ZNF695: variants seen among roughly 807,000 people sequenced by gnomAD.
The protein encoded by ZNF695 is zinc finger protein SBZF3.
In ZNF695, 11 loss-of-function variants were observed where a neutral mutation model predicts 11.2. The observed-to-expected ratio is 0.98, with a 90% CI of 0.62 to 1.62. The LOEUF is 1.62. Ranked by LOEUF, ZNF695 falls within the 40% of genes most tolerant of loss-of-function variation. ZNF695 has a pLI of 0.00. For synonymous variants in ZNF695, 190 were observed against 201.4 expected (o/e 0.94, Z 0.48); for missense variants, 559 against 590.5 (o/e 0.95, Z 0.55).
Position 246,985,543 on chromosome 1 carries a change from GATA to G in ZNF695, c.*1421_*1423del. On this transcript the variant is annotated 3_prime_UTR_variant, in exon 4 of 4. Transcript: ENST00000339986. The stretch of plus-strand genomic sequence containing the variant: ...TTACCTACAACCGTAACTAAGGTGA[GATA>G]GGTTAACGTTGGTGGTAGGATACGC... 1.0e-6 allele frequency: 1 copy of G among 985,392 alleles called. No homozygotes were observed. Among genetic ancestry groups the G allele is most frequent in the Non-Finnish European group, 1.2e-6 (1 of 829,932 alleles). 61.0% of individuals were successfully genotyped at this position (985,392 alleles called of 1,614,324 possible). A position where few individuals can be genotyped will look rare whatever the true frequency, so the allele number is the denominator to read the frequency against.
intron 3 of ZNF695, among the ~76,000 whole-genome samples, 198 bp from the exon 4 acceptor site, chr1:246,988,453 G>A (rs1470410864): frequency 6.6e-6 from 1 of 151,858 alleles, no homozygotes. Flanking sequence ...AGCCAAAGGG[G>A]GAAAAAAAGA....
At chr1:246,975,910 C>CAACTTATTCTATTAGGCGAAGAGAAT (rs1388161972) in intron 4 of ZNF695, among the ~76,000 whole-genome samples, 10 of 152,010 alleles carry the variant, frequency 6.6e-5, no homozygotes, top group African/African-American at 1.9e-4. Context: ...GCGAAGAGAA[C>CAACTTATTCTATTAGGCGAAGAGAAT]AACTTATTCT....
At chr1:246,947,082 G>A (rs1667753167) in intron 5 of ZNF695, among the ~76,000 whole-genome samples, 1 of 148,326 alleles carries the variant, frequency 6.7e-6, no homozygotes, top group South Asian at 2.1e-4. Flanking sequence ...GGAGCTTGCA[G>A]TGAGCTGAGA....
At chr1:246,988,344 A>C (rs910513103) in intron 3 of ZNF695, 89 bp from the exon 4 acceptor site, 6 of 977,370 alleles carry the variant, frequency 6.1e-6, no homozygotes, top group South Asian at 3.6e-5. Flanking sequence ...GCATATTAGC[A>C]AGATAGCATA....
intron 5 of ZNF695, among the ~76,000 whole-genome samples, chr1:246,964,827 C>T (rs1203626185): frequency 2.0e-5 from 3 of 151,990 alleles, no homozygotes; most frequent in Non-Finnish European, 4.4e-5. Context: ...GCTGAGATCG[C>T]GGCACTGCAC....
Position 247,000,056 on chromosome 1 carries a change from C to T in ZNF695, c.22G>A (p.Asp8Asn). 1 of 1,607,482 alleles carries T rather than the reference C, an allele frequency of 6.2e-7. No individual in the cohort carries two copies. The highest frequency in any genetic ancestry group is 8.5e-7 in the Non-Finnish European group (1 of 1,178,262). ...TCTGGAGAGAATTCTAGAGCCACAT[C>T]CCTGAATGCCAATAGTCCCTGAAAA... MGLLAFR[D>N]VALEFSPEEW... The change falls in exon 2 of 4, where the codon GAT (aspartate) becomes AAT (asparagine). Residue 8 changes from aspartate (D) to asparagine (N), a missense_variant. Coordinates refer to ENST00000339986, the MANE Select transcript of ZNF695 (RefSeq NM_020394.5).
In ZNF695 at chr1:246,987,989, T is replaced by C. The variant is rs1228249636; in HGVS notation, c.526A>G (p.Ile176Val). ...SKFANLNKCK[I>V]SHTGEKPFKC... ...AATGGTTTTTCTCCAGTATGGCTTA[T>C]CTTACATTTATTTAGATTTGCAAAT... The change falls in exon 4 of 4, where the codon ATA becomes GTA. Residue 176 changes from isoleucine to valine, a missense_variant. Coordinates refer to ENST00000339986, the MANE Select transcript of ZNF695 (RefSeq NM_020394.5). The C allele has an allele frequency of 5.0e-6, 8 of 1,600,570 alleles. No homozygotes were observed. The highest frequency in any genetic ancestry group is 2.2e-5 in the East Asian group (1 of 44,820).
chr1:246,992,069 C>T lies in ZNF695; in HGVS notation c.260-3814G>A, dbSNP rs559742491. ...GTCGCAGCTACTCGGGAGGCTGAGACGGGAGAACAGCGTCAACCCGGGAGG... is the reference window on the plus strand; with the variant it reads ...GTCGCAGCTACTCGGGAGGCTGAGATGGGAGAACAGCGTCAACCCGGGAGG... On this transcript the variant is annotated intron_variant, in intron 3 of 3. Transcript: ENST00000339986. Among the ~76,000 whole-genome samples the T allele has an allele frequency of 1.4e-3, 210 of 151,926 alleles. 1 individual carries two copies. Among genetic ancestry groups the T allele is most frequent in the African/African-American group, 4.8e-3 (199 of 41,420 alleles).
intron 5 of ZNF695, among the ~76,000 whole-genome samples, chr1:246,947,410 T>C (rs972706404): frequency 7.2e-5 from 11 of 152,024 alleles, no homozygotes; most frequent in African/African-American, 2.4e-4. Flanking sequence ...TTTTGAAGGT[T>C]TGGGAAGCCT....
intron 5 of ZNF695, among the ~76,000 whole-genome samples, chr1:246,955,015 G>A (rs1667952941): frequency 6.6e-6 from 1 of 152,050 alleles, no homozygotes; most frequent in Non-Finnish European, 1.5e-5. Context: ...ACGTGTCATG[G>A]GAGGGACCTG....
At chr1:246,946,531 C>T (rs932700140) in intron 5 of ZNF695, among the ~76,000 whole-genome samples, 18 of 152,204 alleles carry the variant, frequency 1.2e-4, no homozygotes, top group Non-Finnish European at 1.9e-4. Flanking sequence ...GGGTGATGAG[C>T]GAGATGGCAT....
At chr1:246,974,170 A>C (rs1053842506) in intron 4 of ZNF695, among the ~76,000 whole-genome samples, 2 of 151,480 alleles carry the variant, frequency 1.3e-5, no homozygotes, top group Non-Finnish European at 2.9e-5. Flanking sequence ...ACAAAAAAAA[A>C]CAAACAAAAA....
chr1:246,967,647 C>A, intron 5 of ZNF695: 1 of 356,624 alleles, frequency 2.8e-6, no homozygotes, highest in Non-Finnish European at 5.6e-6. Context: ...TATAAAGAAC[C>A]ACCTGAGACT....
At chr1:246,966,978 G>T in intron 5 of ZNF695, 1 of 404,308 alleles carries the variant, frequency 2.5e-6, no homozygotes. Context: ...CACTCTTGTC[G>T]CCCAGGCTGG....
At chr1:246,960,918 CAAACAAA>C (rs978173985) in intron 5 of ZNF695, among the ~76,000 whole-genome samples, 13 of 151,924 alleles carry the variant, frequency 8.6e-5, no homozygotes, top group Admixed American at 6.6e-5. Context: ...CTCAAACAAA[CAAACAAA>C]AAACAAAAAA....
chr1:246,981,701 G>T (rs1355063782), downstream of ZNF695, among the ~76,000 whole-genome samples: 1 of 152,150 alleles, frequency 6.6e-6, no homozygotes, highest in Non-Finnish European at 1.5e-5. Flanking sequence ...GTTCCTGATG[G>T]TGATGGTATA....
intron 3 of ZNF695, 131 bp downstream of exon 3, chr1:246,999,217 A>C: frequency 1.5e-6 from 1 of 676,986 alleles, no homozygotes; most frequent in Non-Finnish European, 2.6e-6. Context: ...ATGTGGGAGC[A>C]AGAGAAAGAA....
At chr1:246,971,384 C>T (rs61092492) in intron 4 of ZNF695, among the ~76,000 whole-genome samples, 7,532 of 152,288 alleles carry the variant, frequency 0.049, 630 homozygotes, top group African/African-American at 0.17. Flanking sequence ...GACGGTCAGG[C>T]CTCCGGATAG....
intron 3 of ZNF695, among the ~76,000 whole-genome samples, chr1:246,988,954 C>T (rs1004834473): frequency 4.6e-5 from 7 of 152,096 alleles, no homozygotes; most frequent in Admixed American, 1.3e-4. Flanking sequence ...ATTAGCCGGG[C>T]GTGGTGGCAG....
Sources: allele counts gnomAD v4.1 joint callset (sites outside exome capture counted in the v4.1 genomes callset), GRCh38; gene constraint gnomAD v4.1.1; transcripts MANE v1.5; gene names NCBI Gene and HGNC (gene_info 2026-07-23, HGNC 2026-07-21).